Variants in EXOC4 observed in about 807,000 individuals in gnomAD.
The protein encoded by EXOC4 is exocyst complex component 4, also known as SEC8-like 1.
A neutral mutation model predicts 107.2 loss-of-function variants in EXOC4; 71 were observed. The ratio of observed to expected loss-of-function variants is 0.66; its 90% CI spans 0.55 to 0.81. The LOEUF (loss-of-function observed/expected upper bound fraction) is 0.81, where lower values mean the gene tolerates loss of function less well. Ranked by LOEUF, EXOC4 falls within the 30% of genes least tolerant of loss-of-function variation. The pLI, the probability that EXOC4 is intolerant of heterozygous loss-of-function variation, is 0.00. For missense variants in EXOC4, 1,108 were observed against 1,189.6 expected, an observed-to-expected ratio of 0.93 and a Z score of 1.01; for synonymous variants, 456 against 441.2, an observed-to-expected ratio of 1.03 and a Z score of -0.42.
chr7:133,434,247 C>T (rs1797916745), intron 7 of EXOC4, among the ~76,000 whole-genome samples: 1 of 152,106 alleles, frequency 6.6e-6, no homozygotes, highest in African/African-American at 2.4e-5. Flanking sequence ...ATTGTTTAAA[C>T]TGGTTACCCT....
At chr7:133,999,707 C>A (rs150199447) in intron 15 of EXOC4, among the ~76,000 whole-genome samples, 49 of 152,240 alleles carry the variant, frequency 3.2e-4, no homozygotes, top group Middle Eastern at 3.4e-3. Context: ...TAGTTACTAT[C>A]ACAATTCCTG....
intron 9 of EXOC4, among the ~76,000 whole-genome samples, chr7:133,519,201 T>C (rs999213332): frequency 5.9e-5 from 9 of 151,946 alleles, no homozygotes; most frequent in Non-Finnish European, 1.5e-5. Flanking sequence ...AATTGCTTGA[T>C]TCCAGGAGTT....
intron 3 of EXOC4, among the ~76,000 whole-genome samples, chr7:133,299,874 C>A (rs1794604660): frequency 6.6e-6 from 1 of 152,154 alleles, no homozygotes; most frequent in Non-Finnish European, 1.5e-5. Flanking sequence ...CTCAGTCCTT[C>A]TCCTCTCTTT....
chr7:133,966,118 T>G (rs1211046510), intron 14 of EXOC4, among the ~76,000 whole-genome samples: 1 of 152,206 alleles, frequency 6.6e-6, no homozygotes, highest in Non-Finnish European at 1.5e-5. Flanking sequence ...ATGATTTGGC[T>G]CTCTGTTTGT....
intron 9 of EXOC4, among the ~76,000 whole-genome samples, chr7:133,557,872 T>C (rs931136000): frequency 1.3e-5 from 2 of 152,108 alleles, no homozygotes; most frequent in African/African-American, 4.8e-5. Flanking sequence ...GTGCCTGTAA[T>C]CGCAGCTACT....
chr7:133,418,882 A>G (rs1797538754), intron 7 of EXOC4, among the ~76,000 whole-genome samples: 1 of 152,226 alleles, frequency 6.6e-6, no homozygotes, highest in African/African-American at 2.4e-5. Flanking sequence ...TGTATACGGT[A>G]AGCTTTCAGA....
At chr7:133,944,216 A>G (rs1800497898) in intron 14 of EXOC4, among the ~76,000 whole-genome samples, 1 of 152,106 alleles carries the variant, frequency 6.6e-6, no homozygotes, top group Admixed American at 6.6e-5. Flanking sequence ...CTCATCCAGG[A>G]TATATCACAT....
At chr7:133,752,386 T>G (rs1193673478) in intron 10 of EXOC4, among the ~76,000 whole-genome samples, 1 of 152,202 alleles carries the variant, frequency 6.6e-6, no homozygotes, top group Non-Finnish European at 1.5e-5. Context: ...GTGAATTTGG[T>G]CAGATCAGTT....
chr7:133,832,799 A>G (rs1797837829), intron 11 of EXOC4, among the ~76,000 whole-genome samples: 2 of 152,164 alleles, frequency 1.3e-5, no homozygotes, highest in African/African-American at 4.8e-5. Context: ...AAGCTTTCAA[A>G]TCAGTTGGTT....
At chr7:133,364,880 C>G (rs574490762) in intron 6 of EXOC4, among the ~76,000 whole-genome samples, 1 of 152,134 alleles carries the variant, frequency 6.6e-6, no homozygotes, top group Admixed American at 6.5e-5. Context: ...AAAGCTTGTT[C>G]GTGGTGCAAT....
At chr7:133,579,572 C>T (rs979804196) in intron 9 of EXOC4, among the ~76,000 whole-genome samples, 1 of 152,172 alleles carries the variant, frequency 6.6e-6, no homozygotes, top group African/African-American at 2.4e-5. Flanking sequence ...CCATCACCAC[C>T]ATCTGTCTCC....
chr7:133,739,167 G>A (rs976378294), intron 10 of EXOC4, among the ~76,000 whole-genome samples: 1 of 151,444 alleles, frequency 6.6e-6, no homozygotes, highest in Non-Finnish European at 1.5e-5. Context: ...TGAAAGGATG[G>A]CATTGAAGTT....
At chr7:134,051,339 G>A (rs188530288) in intron 17 of EXOC4, among the ~76,000 whole-genome samples, 10 of 152,340 alleles carry the variant, frequency 6.6e-5, no homozygotes, top group Non-Finnish European at 1.3e-4. Flanking sequence ...CAGAATCAGA[G>A]AAGAAACTCA....
chr7:133,368,980 A>G (rs1407550809), intron 6 of EXOC4, among the ~76,000 whole-genome samples: 4 of 152,132 alleles, frequency 2.6e-5, no homozygotes, highest in Non-Finnish European at 5.9e-5. Flanking sequence ...TATGTAAGCA[A>G]CTGAGCTAGC....
intron 11 of EXOC4, among the ~76,000 whole-genome samples, chr7:133,843,933 T>C (rs1798071021): frequency 1.3e-5 from 2 of 152,196 alleles, no homozygotes; most frequent in South Asian, 2.1e-4. Flanking sequence ...GTGGTTTTTG[T>C]TTTTAGTTCT....
intron 9 of EXOC4, among the ~76,000 whole-genome samples, chr7:133,582,278 A>ACCTAGGGTAATGGCCTAGGGTAAT: frequency 6.6e-6 from 1 of 152,314 alleles, no homozygotes; most frequent in African/African-American, 2.4e-5. Context: ...AATGGCCTCC[A>ACCTAGGGTAATGGCCTAGGGTAAT]GTTCTATCCA....
At chr7:133,599,895 T>C (rs970827456) in intron 9 of EXOC4, among the ~76,000 whole-genome samples, 1 of 100,428 alleles carries the variant, frequency 1.0e-5, no homozygotes, top group African/African-American at 4.4e-5. Flanking sequence ...TCTCTGATTT[T>C]TTTTTTTTTT....
chr7:134,064,668 C>A lies in EXOC4; in HGVS notation c.*140C>A. The A allele has an allele frequency of 1.8e-6, 1 of 563,682 alleles. No homozygotes were observed. The highest frequency in any genetic ancestry group is 2.9e-6 in the Non-Finnish European group (1 of 341,594). The allele number at this position is 563,682 out of a possible 1,614,324, so 34.9% of individuals were successfully genotyped here. A position where few individuals can be genotyped will look rare whatever the true frequency, so the allele number is the denominator to read the frequency against. On this transcript the variant is annotated 3_prime_UTR_variant, in exon 18 of 18. Transcript: ENST00000253861. The stretch of plus-strand genomic sequence containing the variant: ...GAGGAGGTGTAAGGATTCTTTCTCT[C>A]TGGTTTTGGCTTTTCATATAAATGC...
At chr7:133,657,601 C>T (rs1427334688) in intron 10 of EXOC4, among the ~76,000 whole-genome samples, 2 of 151,864 alleles carry the variant, frequency 1.3e-5, no homozygotes, top group African/African-American at 2.4e-5. Context: ...TGGATCCTAC[C>T]TTGGTTGAGT....
Sources: gnomAD v4.1 joint callset for allele counts (sites outside exome capture counted in the v4.1 genomes callset) on GRCh38, gnomAD v4.1.1 for gene constraint, MANE v1.5 for transcripts, NCBI Gene and HGNC (gene_info 2026-07-23, HGNC 2026-07-21) for gene names.